The following SLC50A1 variants were observed in gnomAD, a reference collection of about 807,000 sequenced individuals.
SLC50A1 encodes solute carrier family 50 member 1, also known as sugar transporter SWEET1.
A neutral mutation model predicts 28.9 loss-of-function variants in SLC50A1; 22 were observed. The ratio of observed to expected loss-of-function variants is 0.76; its 90% CI spans 0.54 to 1.09. SLC50A1 has a LOEUF of 1.09. SLC50A1 is among the 50% of genes least tolerant of loss of function. SLC50A1 has a pLI of 0.00. For synonymous variants in SLC50A1, 96 were observed against 110.6 expected (o/e 0.87, Z 0.83); for missense variants, 233 against 273.4 (o/e 0.85, Z 1.04).
chr1:155,135,736 C>A, upstream of SLC50A1: 1 of 1,549,286 alleles, frequency 6.5e-7, no homozygotes, highest in Non-Finnish European at 8.7e-7. Context: ...AGTTCCGGTT[C>A]GGCGTCGGAG....
upstream of SLC50A1, chr1:155,135,684 T>TA: frequency 6.5e-7 from 1 of 1,550,286 alleles, no homozygotes. Context: ...GGAAGAGGTC[T>TA]GGACCAGGGT....
Position 155,138,574 on chromosome 1 carries a change from C to T in SLC50A1, c.*293C>T. 1 of 330,566 alleles carries T rather than the reference C, an allele frequency of 3.0e-6. No homozygotes were observed. The highest frequency in any genetic ancestry group is 5.7e-6 in the Non-Finnish European group (1 of 175,722). The allele number at this position is 330,566 out of a possible 1,614,324, so 20.5% of individuals were successfully genotyped here. A position where few individuals can be genotyped will look rare whatever the true frequency, so the allele number is the denominator to read the frequency against. On this transcript the variant is annotated 3_prime_UTR_variant, in exon 6 of 6. Transcript: ENST00000368404. ...GCGCGGTGGCTCACGCCTGTAATCCCAGCACTTTGGGAGGCCAAGGTGGGC... is the reference window on the plus strand; with the variant it reads ...GCGCGGTGGCTCACGCCTGTAATCCTAGCACTTTGGGAGGCCAAGGTGGGC...
At chr1:155,136,989 G>A (rs1232017755) in intron 3 of SLC50A1, 38 bp downstream of exon 3, 2 of 1,601,740 alleles carry the variant, frequency 1.2e-6, no homozygotes, top group Non-Finnish European at 8.5e-7. Context: ...TCTGCTGCAC[G>A]CCCTGCCTTG....
rs766374702 is a variant in SLC50A1, at chr1:155,135,875, C to T, written c.-37C>T. The T allele has an allele frequency of 5.6e-6, 9 of 1,594,398 alleles. No homozygotes were observed. Among genetic ancestry groups the T allele is most frequent in the East Asian group, 4.6e-5 (2 of 43,360 alleles). The stretch of plus-strand genomic sequence containing the variant: ...GTAGGTCCCGGCAACCGCAGGCTCG[C>T]GGCGGGCGCTGGGCGCGGGATCCGA... On this transcript the variant is annotated 5_prime_UTR_variant, in exon 1 of 6. Transcript: ENST00000368404.
chr1:155,135,678 G>A (rs571739222), upstream of SLC50A1: 2 of 1,550,440 alleles, frequency 1.3e-6, no homozygotes, highest in East Asian at 4.9e-5. Context: ...GGACATGGAA[G>A]AGGTCTGGAC....
upstream of SLC50A1, chr1:155,135,702 AGGCGCTCGGAGGAGAGG>A: frequency 6.5e-7 from 1 of 1,550,040 alleles, no homozygotes; most frequent in Non-Finnish European, 8.7e-7. Context: ...GGTACTGGGA[AGGCGCTCGGAGGAGAGG>A]GGCGCGAGTT....
At chr1:155,136,474 T>C in intron 2 of SLC50A1, 98 bp downstream of exon 2, 1 of 1,163,824 alleles carries the variant, frequency 8.6e-7, no homozygotes, top group Non-Finnish European at 1.3e-6. Flanking sequence ...CCGGGCGCGG[T>C]GGCTCACGCC....
At chr1:155,135,801 G>A (rs1331338641), upstream of SLC50A1, 1 of 1,560,828 alleles carries the variant, frequency 6.4e-7, no homozygotes, top group Non-Finnish European at 8.7e-7. Flanking sequence ...GTGCGGGGGC[G>A]GAGCCGAGTG....
intron 2 of SLC50A1, 139 bp downstream of exon 2, chr1:155,136,515 G>A: frequency 2.5e-6 from 2 of 812,632 alleles, no homozygotes; most frequent in Non-Finnish European, 4.1e-6. Flanking sequence ...AGGCCGAGAC[G>A]GGCGGATCAC....
rs779894841 is a variant in SLC50A1 at position 155,136,812 on chromosome 1, C to A, written c.159-16C>A. 2.5e-6 allele frequency: 4 copies of A among 1,614,076 alleles called. No individual in the cohort carries two copies. The highest frequency in any genetic ancestry group is 1.1e-5 in the South Asian group (1 of 91,064). On this transcript the variant is annotated splice_polypyrimidine_tract_variant and intron_variant, in intron 2 of 5. Coordinates refer to ENST00000368404, the MANE Select transcript of SLC50A1 (RefSeq NM_018845.4). ...ACTGAACCCTTTGAGCCATGTCCAT[C>A]CCCTCCACCCTGCAGCAACCTGGGC...
At chr1:155,137,904 T>C in intron 4 of SLC50A1, 75 bp from the exon 5 acceptor site, 1 of 1,609,750 alleles carries the variant, frequency 6.2e-7, no homozygotes, top group Non-Finnish European at 8.5e-7. Flanking sequence ...CTGACCTTTT[T>C]CTTGAGGAAA....
intron 3 of SLC50A1, 170 bp downstream of exon 3, chr1:155,137,121 A>T: frequency 1.2e-6 from 1 of 843,318 alleles, no homozygotes; most frequent in Admixed American, 2.8e-5. Context: ...TGAGATGAAC[A>T]CATTGCCCCC....
In SLC50A1 at chr1:155,135,934, A is replaced by G. The variant is rs1207715890; in HGVS notation, c.23A>G (p.Asp8Gly). ...GTAATGGAGGCGGGCGGCTTTCTGG[A>G]CTCGCTCATTTACGGAGCATGCGTG... MEAGGFLDSLIYGACVVF... is the reference protein window; with the variant it reads MEAGGFLGSLIYGACVVF... Residue 8 changes from aspartate to glycine, a missense_variant, in exon 1 of 6, where the codon GAC becomes GGC. Transcript: ENST00000368404. 27 of 1,613,176 alleles carry G rather than the reference A, an allele frequency of 1.7e-5. No homozygotes were observed. Among genetic ancestry groups the G allele is most frequent in the Non-Finnish European group, 2.3e-5 (27 of 1,179,904 alleles).
chr1:155,135,641 G>C (rs758408900), upstream of SLC50A1: 3 of 1,550,386 alleles, frequency 1.9e-6, no homozygotes, highest in Middle Eastern at 1.7e-4. Context: ...GGACACACCC[G>C]CGGAGCCCTA....
chr1:155,136,660 G>C (rs1421978758), intron 2 of SLC50A1, 168 bp from the exon 3 acceptor site: 1 of 995,076 alleles, frequency 1.0e-6, no homozygotes, highest in Non-Finnish European at 1.5e-6. Flanking sequence ...GGAGAATGGC[G>C]TGAACCCAGG....
At position 155,136,818 on chromosome 1, in the gene SLC50A1, C is replaced by A; in HGVS notation, c.159-10C>A. The A allele has an allele frequency of 6.2e-7, 1 of 1,614,160 alleles. No individual in the cohort carries two copies. Among genetic ancestry groups the A allele is most frequent in the Non-Finnish European group, 8.5e-7 (1 of 1,180,022 alleles). ...CCCTTTGAGCCATGTCCATCCCCTC[C>A]ACCCTGCAGCAACCTGGGCTGGCTG... is the stretch of plus-strand genomic sequence containing the variant. On this transcript the variant is annotated splice_polypyrimidine_tract_variant and intron_variant, in intron 2 of 5. Coordinates refer to ENST00000368404, the MANE Select transcript of SLC50A1 (RefSeq NM_018845.4).
At chr1:155,135,411 G>T, upstream of SLC50A1, 1 of 586,336 alleles carries the variant, frequency 1.7e-6, no homozygotes, top group Non-Finnish European at 3.0e-6. Context: ...AAAAAGCTTC[G>T]GCAGCACACT....
At chr1:155,137,877 C>G (rs1664583364) in intron 4 of SLC50A1, 102 bp from the exon 5 acceptor site, 19 of 1,593,282 alleles carry the variant, frequency 1.2e-5, no homozygotes, top group Non-Finnish European at 1.6e-5. Flanking sequence ...GGTTGGGTGA[C>G]AGATCAGGGA....
At chr1:155,135,767 AG>A, upstream of SLC50A1, 1 of 1,550,412 alleles carries the variant, frequency 6.4e-7, no homozygotes, top group South Asian at 1.2e-5. Flanking sequence ...GCTTCGGCGC[AG>A]TTTCCGGAGG....
Sources: allele counts gnomAD v4.1 joint callset, GRCh38; gene constraint gnomAD v4.1.1; transcripts MANE v1.5; gene names NCBI Gene and HGNC (gene_info 2026-07-23, HGNC 2026-07-21).